Variants in ESR1 observed in about 807,000 individuals in gnomAD.
ESR1 encodes estrogen receptor.
Under a neutral mutation model 52.7 loss-of-function variants are expected in ESR1, and 12 were observed. The observed-to-expected ratio is 0.23, with a 90% CI of 0.15 to 0.37. The LOEUF (loss-of-function observed/expected upper bound fraction) is 0.37, where lower values mean the gene tolerates loss of function less well. ESR1 is among the 10% of genes least tolerant of loss of function. The pLI is 1.00. For synonymous variants in ESR1, 305 were observed against 316.8 expected, an observed-to-expected ratio of 0.96 and a Z score of 0.39; for missense variants, 584 against 779.7, an observed-to-expected ratio of 0.75 and a Z score of 2.99.
chr6:151,864,336 A>T (rs1789448358), intron 2 of ESR1, among the ~76,000 whole-genome samples: 1 of 152,226 alleles, frequency 6.6e-6, no homozygotes, highest in East Asian at 1.9e-4. Context: ...CACATGAAAA[A>T]ATGCTCATCA....
At chr6:151,814,354 A>G (rs1353315793) in intron 1 of ESR1, among the ~76,000 whole-genome samples, 2 of 152,092 alleles carry the variant, frequency 1.3e-5, no homozygotes, top group Non-Finnish European at 2.9e-5. Context: ...TTATTTTCTA[A>G]TACATAGAAG....
chr6:151,920,814 C>T (rs1159290671), intron 3 of ESR1, among the ~76,000 whole-genome samples: 2 of 152,106 alleles, frequency 1.3e-5, no homozygotes, highest in Non-Finnish European at 2.9e-5. Flanking sequence ...TTGATATTAA[C>T]CTTGATCATC....
chr6:151,882,043 T>C (rs9340851), intron 3 of ESR1, among the ~76,000 whole-genome samples: 5,397 of 151,998 alleles, frequency 0.036, 130 homozygotes, highest in South Asian at 0.059. Flanking sequence ...CTGAAGGAGG[T>C]GAAGCTTGGG....
intron 4 of ESR1, among the ~76,000 whole-genome samples, chr6:151,962,613 C>CAAACA (rs769552119): frequency 2.0e-5 from 3 of 152,214 alleles, no homozygotes; most frequent in Admixed American, 6.5e-5. Flanking sequence ...ACCAACCAAA[C>CAAACA]AAACAAAACA....
chr6:151,977,128 G>C (rs189358121), intron 4 of ESR1, among the ~76,000 whole-genome samples: 197 of 152,222 alleles, frequency 1.3e-3, no homozygotes, highest in African/African-American at 4.4e-3. Flanking sequence ...GTGAAAATAA[G>C]TGAAGGCAGA....
chr6:152,115,940 A>G (rs937259487), intron 6 of ESR1, among the ~76,000 whole-genome samples: 2 of 152,152 alleles, frequency 1.3e-5, no homozygotes, highest in Admixed American at 6.5e-5. Flanking sequence ...CCAGCTACCA[A>G]TTTAATTGGT....
intron 3 of ESR1, among the ~76,000 whole-genome samples, chr6:151,923,075 G>C (rs968213038): frequency 6.6e-6 from 1 of 152,032 alleles, no homozygotes. Flanking sequence ...TTGTTAATCT[G>C]TACTCATGTA....
intron 1 of ESR1, among the ~76,000 whole-genome samples, chr6:151,822,508 A>C (rs1780731275): frequency 6.6e-6 from 1 of 152,218 alleles, no homozygotes; most frequent in Non-Finnish European, 1.5e-5. Context: ...TGCTAAACAC[A>C]GGAAGATTAG....
At chr6:151,968,425 A>T (rs1013353273) in intron 4 of ESR1, among the ~76,000 whole-genome samples, 1 of 152,196 alleles carries the variant, frequency 6.6e-6, no homozygotes, top group African/African-American at 2.4e-5. Flanking sequence ...GACAAATGGG[A>T]TCTAATTAAA....
At chr6:151,807,450 G>T, upstream of ESR1, 1 of 231,382 alleles carries the variant, frequency 4.3e-6, no homozygotes, top group South Asian at 6.7e-5. Context: ...GCAGATCCTC[G>T]TGCGCCCCCG....
chr6:151,874,947 A>G (rs1791565575), intron 2 of ESR1, among the ~76,000 whole-genome samples: 1 of 152,264 alleles, frequency 6.6e-6, no homozygotes, highest in Non-Finnish European at 1.5e-5. Context: ...AAAATGAACC[A>G]TATTAAAATG....
chr6:152,110,017 C>T lies in ESR1; in HGVS notation c.851-15249C>T, dbSNP rs184210015. Among the ~76,000 whole-genome samples, 3 of 152,314 alleles carry T rather than the reference C, an allele frequency of 2.0e-5. No homozygotes were observed. The East Asian group carries it at 5.8e-4, about 29-fold the overall frequency. On this transcript the variant is annotated intron_variant, in intron 6 of 6. Transcript: ENST00000427531. ...ACAAAAGCTACGTACCAGTTTTACA[C>T]CACTTTTTCAGGTAATCCTCACAGC...
chr6:151,973,104 TC>T (rs1015842994), intron 4 of ESR1, among the ~76,000 whole-genome samples: 4 of 152,142 alleles, frequency 2.6e-5, no homozygotes, highest in African/African-American at 9.7e-5. Context: ...TTTGGCAACA[TC>T]CTCACAGATA....
At chr6:152,126,278 C>T (rs1333803439) in exon 7 of ESR1, 1 of 152,098 alleles carries the variant, frequency 6.6e-6, no homozygotes, top group Non-Finnish European at 1.5e-5. Flanking sequence ...TTCAACATGC[C>T]CAAAGCTGCC....
chr6:151,777,986 A>C (rs1236488172), intron 2 of ESR1, among the ~76,000 whole-genome samples: 1 of 152,064 alleles, frequency 6.6e-6, no homozygotes. Context: ...AATAAATAAA[A>C]ATAAAAAATT....
intron 1 of ESR1, among the ~76,000 whole-genome samples, chr6:151,820,463 T>C (rs972733382): frequency 6.6e-6 from 1 of 152,198 alleles, no homozygotes; most frequent in African/African-American, 2.4e-5. Context: ...AGGCTGGTAC[T>C]ATTGTTATTC....
intron 1 of ESR1, among the ~76,000 whole-genome samples, chr6:151,666,819 G>C (rs750779239): frequency 6.6e-6 from 1 of 151,078 alleles, no homozygotes; most frequent in East Asian, 1.9e-4. Flanking sequence ...GAGGACGAAG[G>C]TTCTGTTTTT....
At chr6:151,908,682 A>G (rs1188783773) in intron 3 of ESR1, among the ~76,000 whole-genome samples, 1 of 152,118 alleles carries the variant, frequency 6.6e-6, no homozygotes, top group Admixed American at 6.5e-5. Context: ...CTATCCCTGT[A>G]TCAAAGTTTC....
intron 4 of ESR1, among the ~76,000 whole-genome samples, chr6:152,006,465 C>G (rs1171221230): frequency 2.0e-5 from 3 of 151,920 alleles, no homozygotes; most frequent in Non-Finnish European, 4.4e-5. Context: ...CAATAAGTTA[C>G]TATTTTTTGG....
Sources: gnomAD v4.1 joint callset for allele counts (sites outside exome capture counted in the v4.1 genomes callset) on GRCh38, gnomAD v4.1.1 for gene constraint, MANE v1.5 for transcripts, NCBI Gene and HGNC (gene_info 2026-07-23, HGNC 2026-07-21) for gene names.